Variants in DAB2IP observed in about 807,000 individuals in gnomAD.
DAB2IP encodes DAB2 interacting protein.
Under a neutral mutation model 107.2 loss-of-function variants are expected in DAB2IP, and 28 were observed. That is an observed-to-expected ratio of 0.26 (90% confidence interval 0.19 to 0.36). The LOEUF is 0.36. Among genes scored for constraint, DAB2IP ranks in the 10% least tolerant of loss-of-function variants. The pLI is 1.00. For synonymous variants in DAB2IP, 755 were observed against 706.4 expected, an observed-to-expected ratio of 1.07 and a Z score of -1.09; for missense variants, 1,400 against 1,644.7, an observed-to-expected ratio of 0.85 and a Z score of 2.57.
Position 121,782,861 on chromosome 9 carries a change from C to T in DAB2IP, c.*363C>T, listed in dbSNP as rs1032882586. On this transcript the variant is annotated 3_prime_UTR_variant, in exon 16 of 16. Coordinates refer to ENST00000408936, the Ensembl canonical transcript of DAB2IP. This position sits in a 1 kb window ranked among gnomAD's most constrained non-coding sequence, Gnocchi z 6.1. ...TGCATGTGTCCCCCCACACCTGTGCCAGGGAGGGGGCTTCCTGGAGGGGGG... is the reference window on the plus strand; with the variant it reads ...TGCATGTGTCCCCCCACACCTGTGCTAGGGAGGGGGCTTCCTGGAGGGGGG... 3 of 1,056,838 alleles carry T rather than the reference C, an allele frequency of 2.8e-6. No individual in the cohort carries two copies. The highest frequency in any genetic ancestry group is 4.9e-5 in the Admixed American group (1 of 20,412). 65.5% of individuals were successfully genotyped at this position (1,056,838 alleles called of 1,614,324 possible).
intron 14 of DAB2IP, among the ~76,000 whole-genome samples, chr9:121,780,151 G>A (rs1835501325): frequency 6.6e-6 from 1 of 152,212 alleles, no homozygotes; most frequent in Non-Finnish European, 1.5e-5. Flanking sequence ...CTCCCAAAGT[G>A]CTGAGATTAT....
chr9:121,699,308 T>C lies in DAB2IP; in HGVS notation c.229-17T>C. ...TAACCCCGCCTCCCCTTCCCCCTCT[T>C]GTCCCCCCGTGCGCAGGGCTTCCTC... On this transcript the variant is annotated splice_polypyrimidine_tract_variant and intron_variant, in intron 2 of 15. Coordinates refer to ENST00000408936, the Ensembl canonical transcript of DAB2IP. The surrounding 1 kb of genome is among the most constrained non-coding windows in gnomAD (Gnocchi z 6.2). 1 of 1,395,508 alleles carries C rather than the reference T, an allele frequency of 7.2e-7. No homozygotes were observed. The highest frequency in any genetic ancestry group is 9.5e-7 in the Non-Finnish European group (1 of 1,056,274). The allele number at this position is 1,395,508 out of a possible 1,614,324, so 86.4% of individuals were successfully genotyped here. A position where few individuals can be genotyped will look rare whatever the true frequency, so the allele number is the denominator to read the frequency against.
At chr9:121,697,424 C>T (rs772584202) in intron 2 of DAB2IP, among the ~76,000 whole-genome samples, 5 of 152,182 alleles carry the variant, frequency 3.3e-5, no homozygotes, top group Non-Finnish European at 5.9e-5. Context: ...CCAGGTGCAG[C>T]CCCCTCTCCT....
intron 1 of DAB2IP, among the ~76,000 whole-genome samples, chr9:121,642,741 G>C (rs1040309823): frequency 1.3e-5 from 2 of 152,116 alleles, no homozygotes; most frequent in African/African-American, 4.8e-5. Context: ...GACTCACAAG[G>C]TTCCTGTCCT....
chr9:121,622,002 T>TTTTTGAGA lies in DAB2IP; in HGVS notation c.40+54776_40+54783dup, dbSNP rs1462424273. 4.9e-5 allele frequency among the ~76,000 whole-genome samples: 7 copies of TTTTTGAGA among 143,016 alleles called. No homozygotes were observed. The East Asian group carries it at 1.0e-3, about 21-fold the overall frequency. 93.8% of individuals were successfully genotyped at this position (143,016 alleles called of 152,430 possible). A position where few individuals can be genotyped will look rare whatever the true frequency, so the allele number is the denominator to read the frequency against. Reference sequence around the variant, plus strand: ...TTTCTTTCTTTTTTTTTTTTTTTTTTTTTTGAGATGGAGTCTCGCTCTGTC... The same window carrying TTTTTGAGA: ...TTTCTTTCTTTTTTTTTTTTTTTTTTTTTTGAGATTTTGAGATGGAGTCTCGCTCTGTC... On this transcript the variant is annotated intron_variant, in intron 1 of 16. Coordinates refer to the DAB2IP transcript ENST00000259371.
chr9:121,750,023 G>T (rs1832993431), intron 3 of DAB2IP, among the ~76,000 whole-genome samples: 1 of 152,164 alleles, frequency 6.6e-6, no homozygotes, highest in African/African-American at 2.4e-5. Context: ...GACCAAAGAG[G>T]CATGAACAGT....
intron 1 of DAB2IP, chr9:121,567,380 G>T: frequency 2.6e-6 from 3 of 1,134,660 alleles, no homozygotes; most frequent in Non-Finnish European, 3.8e-6. Flanking sequence ...GCATGGGTGC[G>T]TTGGGCTATG....
intron 2 of DAB2IP, among the ~76,000 whole-genome samples, chr9:121,686,694 C>G (rs1191789070): frequency 6.6e-6 from 1 of 152,202 alleles, no homozygotes; most frequent in Non-Finnish European, 1.5e-5. Context: ...GCCCCACTCT[C>G]TTTCCCTGTC....
At chr9:121,661,877 A>G (rs116341202) in intron 1 of DAB2IP, among the ~76,000 whole-genome samples, 1,640 of 152,140 alleles carry the variant, frequency 0.011, 40 homozygotes, top group African/African-American at 0.037. Context: ...ACTGTTTAAA[A>G]GGTTGAGGGT....
intron 14 of DAB2IP, among the ~76,000 whole-genome samples, chr9:121,779,517 G>T (rs1204484029): frequency 6.6e-6 from 1 of 152,202 alleles, no homozygotes; most frequent in Non-Finnish European, 1.5e-5. Context: ...TTTATTCTGG[G>T]AGACAGTGAG....
At chr9:121,744,568 C>T (rs1832591305) in intron 3 of DAB2IP, among the ~76,000 whole-genome samples, 2 of 152,178 alleles carry the variant, frequency 1.3e-5, no homozygotes, top group African/African-American at 4.8e-5. Flanking sequence ...AAAGGCAGGG[C>T]TCAGTACATT....
intron 10 of DAB2IP, among the ~76,000 whole-genome samples, chr9:121,770,108 A>G (rs1317835511): frequency 2.0e-5 from 3 of 152,150 alleles, no homozygotes; most frequent in Non-Finnish European, 2.9e-5. Flanking sequence ...TGCTTGGACC[A>G]TCTCCACTGG....
intron 1 of DAB2IP, among the ~76,000 whole-genome samples, chr9:121,619,495 C>T (rs147473226): frequency 1.3e-5 from 2 of 152,310 alleles, no homozygotes; most frequent in Non-Finnish European, 2.9e-5. Context: ...CCCCTGCCTG[C>T]GCTAACGGTG....
chr9:121,636,629 G>A (rs754030910), intron 1 of DAB2IP, among the ~76,000 whole-genome samples: 1 of 152,248 alleles, frequency 6.6e-6, no homozygotes, highest in Admixed American at 6.5e-5. Flanking sequence ...GCTGGTACGA[G>A]AGTGAGGTAA....
intron 2 of DAB2IP, among the ~76,000 whole-genome samples, chr9:121,687,565 C>T (rs1008490422): frequency 6.6e-6 from 1 of 152,216 alleles, no homozygotes; most frequent in Admixed American, 6.5e-5. Flanking sequence ...GCTTGCACTC[C>T]AAGTCCCACT....
chr9:121,772,639 C>A lies in DAB2IP; in HGVS notation c.2111C>A (p.Thr704Asn). 6 of 1,613,946 alleles carry A rather than the reference C, an allele frequency of 3.7e-6. No individual in the cohort carries two copies. The highest frequency in any genetic ancestry group is 5.1e-6 in the Non-Finnish European group (6 of 1,179,876). Residue 704 changes from threonine (T) to asparagine (N), a missense_variant, in exon 12 of 16, where the codon ACC (threonine) becomes AAC (asparagine). By Grantham distance (65) the Thr-to-Asn change is moderately conservative. This residue lies in a region of DAB2IP where 517 missense variants were observed against 748.6 expected (regional missense o/e 0.69). Transcript: ENST00000408936. The surrounding 1 kb of genome is among the most constrained non-coding windows in gnomAD (Gnocchi z 4.7). ...GATTTCACCCGGTTACCGTCTCCAA[C>A]CCCCGAAAACAAGGACTTGTTTTTT...
chr9:121,678,574 G>A (rs918120731), intron 1 of DAB2IP, 104 bp from the exon 2 acceptor site: 1 of 954,798 alleles, frequency 1.0e-6, no homozygotes, highest in Non-Finnish European at 1.4e-6. Flanking sequence ...ATTTTCTAGG[G>A]ACCGGTTTGT....
intron 1 of DAB2IP, among the ~76,000 whole-genome samples, chr9:121,675,242 G>A (rs963078581): frequency 3.9e-5 from 6 of 152,284 alleles, no homozygotes; most frequent in Admixed American, 2.0e-4. Flanking sequence ...GACAGTTCCC[G>A]CAGGAGGCCA....
intron 1 of DAB2IP, among the ~76,000 whole-genome samples, chr9:121,671,929 C>T (rs1203753973): frequency 2.0e-5 from 3 of 152,166 alleles, no homozygotes. Flanking sequence ...AAGCAGTTTT[C>T]TTGACTGGAT....
Sources: gnomAD v4.1 joint callset for allele counts (sites outside exome capture counted in the v4.1 genomes callset) on GRCh38, gnomAD v4.1.1 for gene constraint, gnomAD v4.1.1 regional missense constraint, Gnocchi (gnomAD v3.1) non-coding constraint, MANE v1.5 for transcripts, NCBI Gene and HGNC (gene_info 2026-07-23, HGNC 2026-07-21) for gene names.